Variants in RPS6KC1 observed in about 807,000 individuals in gnomAD.
RPS6KC1 encodes the protein ribosomal protein S6 kinase C1.
RPS6KC1 carries 54 observed loss-of-function variants against 103.8 expected under a neutral mutation model. That is an observed-to-expected ratio of 0.52 (90% CI 0.42 to 0.65). The LOEUF (loss-of-function observed/expected upper bound fraction) is 0.65. Ranked by LOEUF, RPS6KC1 falls within the 30% of genes least tolerant of loss-of-function variation. RPS6KC1 has a pLI of 0.00. For synonymous variants in RPS6KC1, 439 were observed against 438.7 expected (o/e 1.00, Z -0.01); for missense variants, 1,151 against 1,253.8 (o/e 0.92, Z 1.24).
At chr1:213,820,866 TG>T in the RPS6KC1 span, 1 of 152,228 alleles carries the variant, frequency 6.6e-6, no homozygotes, top group Non-Finnish European at 1.5e-5. Context: ...TTATTTAAGC[TG>T]TGCAGTGAAC....
chr1:213,073,493 T>C (rs1275451376), intron 2 of RPS6KC1, among the ~76,000 whole-genome samples: 1 of 152,070 alleles, frequency 6.6e-6, no homozygotes, highest in East Asian at 1.9e-4. Flanking sequence ...ATGGTTTTGC[T>C]CCCCCTCACC....
At chr1:213,357,507 A>G in the RPS6KC1 span, among the ~76,000 whole-genome samples, 3 of 152,212 alleles carry the variant, frequency 2.0e-5, no homozygotes, top group African/African-American at 7.2e-5. Context: ...GGGTCCATAC[A>G]GACTTTTTAT....
chr1:213,842,452 G>A, the RPS6KC1 span, among the ~76,000 whole-genome samples: 88 of 152,214 alleles, frequency 5.8e-4, no homozygotes, highest in African/African-American at 2.1e-3. Context: ...AAGATGCAGG[G>A]ACTGTTAGCT....
the RPS6KC1 span, among the ~76,000 whole-genome samples, chr1:213,336,413 C>G: frequency 6.6e-6 from 1 of 152,148 alleles, no homozygotes; most frequent in African/African-American, 2.4e-5. Flanking sequence ...CTCTATATCA[C>G]CTAGAAGACT....
the RPS6KC1 span, among the ~76,000 whole-genome samples, chr1:213,744,030 G>A: frequency 6.6e-6 from 1 of 152,080 alleles, no homozygotes; most frequent in African/African-American, 2.4e-5. Context: ...ACTCGGAAAT[G>A]GAAAACCAAA....
At chr1:213,824,180 C>A in the RPS6KC1 span, among the ~76,000 whole-genome samples, 1 of 152,214 alleles carries the variant, frequency 6.6e-6, no homozygotes. Flanking sequence ...AGGTGATGTG[C>A]TTCCACCCAA....
chr1:213,510,844 G>A, the RPS6KC1 span, among the ~76,000 whole-genome samples: 1 of 152,104 alleles, frequency 6.6e-6, no homozygotes, highest in African/African-American at 2.4e-5. Flanking sequence ...GGGTGGGGAG[G>A]CCTTTTTACT....
At chr1:213,119,717 A>G (rs1286828549) in intron 5 of RPS6KC1, among the ~76,000 whole-genome samples, 1 of 151,894 alleles carries the variant, frequency 6.6e-6, no homozygotes, top group Admixed American at 6.6e-5. Context: ...CAAGCTCTGC[A>G]GAGATCTTTC....
At chr1:213,566,468 T>G in the RPS6KC1 span, among the ~76,000 whole-genome samples, 23 of 45,522 alleles carry the variant, frequency 5.1e-4, no homozygotes, top group South Asian at 2.4e-3. Flanking sequence ...TTTTTTTTTT[T>G]TTTTTTTTTT....
chr1:213,675,348 G>T, the RPS6KC1 span, among the ~76,000 whole-genome samples: 1 of 152,164 alleles, frequency 6.6e-6, no homozygotes, highest in African/African-American at 2.4e-5. Context: ...ATTCATCTTT[G>T]TGTCCAGAAT....
At chr1:213,321,179 T>C in the RPS6KC1 span, among the ~76,000 whole-genome samples, 1 of 152,208 alleles carries the variant, frequency 6.6e-6, no homozygotes, top group African/African-American at 2.4e-5. Flanking sequence ...TTTCAGAGCC[T>C]TTCAGAGGGT....
At chr1:213,062,674 A>C (rs1314237064) in intron 1 of RPS6KC1, among the ~76,000 whole-genome samples, 8 of 151,854 alleles carry the variant, frequency 5.3e-5, no homozygotes, top group Non-Finnish European at 1.0e-4. Flanking sequence ...CTCCTGCCTC[A>C]GTCTCTCGAG....
chr1:213,413,172 A>G, the RPS6KC1 span, among the ~76,000 whole-genome samples: 2 of 152,244 alleles, frequency 1.3e-5, no homozygotes, highest in Non-Finnish European at 2.9e-5. Flanking sequence ...TATGGGATAT[A>G]TGTGATATTT....
At chr1:213,783,815 CAAAAAAA>C in the RPS6KC1 span, among the ~76,000 whole-genome samples, 3,561 of 66,008 alleles carry the variant, frequency 0.054, 149 homozygotes, top group African/African-American at 0.1. Flanking sequence ...AAGATGTTGC[CAAAAAAA>C]AAAAAAAAAA....
chr1:213,206,571 T>C (rs928816838), intron 8 of RPS6KC1, among the ~76,000 whole-genome samples: 15 of 152,242 alleles, frequency 9.9e-5, no homozygotes, highest in African/African-American at 3.4e-4. Context: ...CAAAGTCATT[T>C]CATTTTACAC....
At chr1:213,651,974 CTGTACTATT>C in the RPS6KC1 span, among the ~76,000 whole-genome samples, 1 of 152,168 alleles carries the variant, frequency 6.6e-6, no homozygotes, top group Non-Finnish European at 1.5e-5. Context: ...CTGACTCACC[CTGTACTATT>C]TGTTCTTATT....
At chr1:213,285,487 G>T in the RPS6KC1 span, among the ~76,000 whole-genome samples, 4 of 152,172 alleles carry the variant, frequency 2.6e-5, no homozygotes, top group Admixed American at 2.6e-4. Flanking sequence ...ACAAACTAAA[G>T]AATTAAAGTT....
the RPS6KC1 span, among the ~76,000 whole-genome samples, chr1:213,341,616 G>A: frequency 6.6e-6 from 1 of 152,196 alleles, no homozygotes; most frequent in Non-Finnish European, 1.5e-5. Flanking sequence ...AGCATGCATT[G>A]ATCAGTTACT....
chr1:213,630,128 T>C, the RPS6KC1 span, among the ~76,000 whole-genome samples: 3 of 152,216 alleles, frequency 2.0e-5, no homozygotes, highest in Non-Finnish European at 4.4e-5. Context: ...TGAATATTGG[T>C]CTGCCTTGCT....
Sources: allele counts gnomAD v4.1 joint callset (sites outside exome capture counted in the v4.1 genomes callset), GRCh38; gene constraint gnomAD v4.1.1; transcripts MANE v1.5; gene names NCBI Gene and HGNC (gene_info 2026-07-23, HGNC 2026-07-21).